Variants in OCIAD2 observed in about 807,000 individuals in gnomAD.
OCIAD2 encodes OCIA domain containing 2.
OCIAD2 carries 29 observed loss-of-function variants against 22.9 expected under a neutral mutation model. The ratio of observed to expected loss-of-function variants is 1.27; its 90% CI spans 0.94 to 1.73. OCIAD2 has a LOEUF of 1.73. OCIAD2 is among the 40% of genes most tolerant of loss of function. The probability of loss-of-function intolerance (pLI) is 0.00; values close to 1 mark genes in which losing one functional copy is unlikely to be tolerated. For synonymous variants in OCIAD2, 67 were observed against 60.2 expected, an observed-to-expected ratio of 1.11 and a Z score of -0.52; for missense variants, 189 against 180.3, an observed-to-expected ratio of 1.05 and a Z score of -0.28.
At chr4:48,899,516 G>A (rs775450543) in intron 3 of OCIAD2, among the ~76,000 whole-genome samples, 1 of 152,198 alleles carries the variant, frequency 6.6e-6, no homozygotes, top group Non-Finnish European at 1.5e-5. Flanking sequence ...GTAGAATGTA[G>A]GAAGGTCCAC....
chr4:48,901,333 C>T (rs1334895014), intron 2 of OCIAD2, among the ~76,000 whole-genome samples: 1 of 152,016 alleles, frequency 6.6e-6, no homozygotes, highest in East Asian at 1.9e-4. Context: ...AAGTAAAGCT[C>T]AGGGTGTGCA....
intron 2 of OCIAD2, among the ~76,000 whole-genome samples, chr4:48,901,631 C>T (rs1010388914): frequency 3.9e-5 from 6 of 152,220 alleles, no homozygotes; most frequent in Admixed American, 2.0e-4. Context: ...CCCTTCTCCT[C>T]TAGTTGTCAG....
intron 6 of OCIAD2, 35 bp from the exon 7 acceptor site, chr4:48,885,600 CTT>C (rs766244224): frequency 3.1e-5 from 34 of 1,096,258 alleles, no homozygotes; most frequent in Non-Finnish European, 4.3e-5. Flanking sequence ...GCGGTTTGTA[CTT>C]TGACACTGGA....
chr4:48,896,475 C>T (rs1232492597), intron 4 of OCIAD2, among the ~76,000 whole-genome samples: 1 of 152,062 alleles, frequency 6.6e-6, no homozygotes, highest in Non-Finnish European at 1.5e-5. Flanking sequence ...TGTCTATAGA[C>T]CCAGCTACTT....
chr4:48,904,358 G>T (rs545927814), intron 2 of OCIAD2, 126 bp downstream of exon 2: 14 of 842,574 alleles, frequency 1.7e-5, no homozygotes, highest in Non-Finnish European at 2.6e-5. Flanking sequence ...GCTCAAGTAG[G>T]AGGATCACTT....
intron 2 of OCIAD2, among the ~76,000 whole-genome samples, chr4:48,900,157 C>CAGGCAGCAGATTT (rs1781385464): frequency 6.6e-6 from 1 of 152,016 alleles, no homozygotes; most frequent in Non-Finnish European, 1.5e-5. Flanking sequence ...CACTGACTGG[C>CAGGCAGCAGATTT]GCAGGCAGCA....
intron 4 of OCIAD2, among the ~76,000 whole-genome samples, chr4:48,894,506 T>C (rs758768517): frequency 6.6e-6 from 1 of 152,040 alleles, no homozygotes; most frequent in Non-Finnish European, 1.5e-5. Context: ...AAAAAAGATC[T>C]TAAAGGAGTT....
chr4:48,889,207 C>T (rs1781088051), intron 6 of OCIAD2, among the ~76,000 whole-genome samples: 1 of 152,074 alleles, frequency 6.6e-6, no homozygotes, highest in South Asian at 2.1e-4. Flanking sequence ...CTTTTTATTG[C>T]ATCTATTTGA....
Position 48,889,775 on chromosome 4 carries a change from T to C in OCIAD2, c.383+2997A>G, listed in dbSNP as rs146360617. Among the ~76,000 whole-genome samples, 549 of 152,340 alleles carry C rather than the reference T, an allele frequency of 3.6e-3. 3 individuals are homozygous for C. Among genetic ancestry groups the C allele is most frequent in the African/African-American group, 0.013 (523 of 41,572 alleles). On this transcript the variant is annotated intron_variant, in intron 6 of 6. Transcript: ENST00000508632. ...TACTGGGTATATACCCAAAGGATTA[T>C]AAAGCCTGCTGCTATAAAGACACAT...
At chr4:48,905,158 T>C (rs971128084) in intron 1 of OCIAD2, among the ~76,000 whole-genome samples, 6 of 151,984 alleles carry the variant, frequency 3.9e-5, no homozygotes, top group Non-Finnish European at 8.8e-5. Context: ...CTGGTGGGAA[T>C]TTAGCATCTT....
At chr4:48,890,172 G>T (rs1231125713) in intron 6 of OCIAD2, among the ~76,000 whole-genome samples, 2 of 151,702 alleles carry the variant, frequency 1.3e-5, no homozygotes, top group Admixed American at 1.3e-4. Flanking sequence ...GAGTTAATGG[G>T]TGCAGCACAC....
chr4:48,901,109 T>C (rs775005682), intron 2 of OCIAD2, among the ~76,000 whole-genome samples: 5 of 152,174 alleles, frequency 3.3e-5, no homozygotes, highest in Non-Finnish European at 5.9e-5. Context: ...TTTGGGTGAA[T>C]GTATCTTTTT....
chr4:48,886,263 C>G (rs1780983747), intron 6 of OCIAD2, among the ~76,000 whole-genome samples: 1 of 152,174 alleles, frequency 6.6e-6, no homozygotes, highest in Non-Finnish European at 1.5e-5. Flanking sequence ...TCTGAGGGCT[C>G]TGTTCTGTTC....
At chr4:48,892,607 CAA>C (rs2109671797) in intron 6 of OCIAD2, among the ~76,000 whole-genome samples, 163 bp downstream of exon 6, 1 of 152,196 alleles carries the variant, frequency 6.6e-6, no homozygotes, top group African/African-American at 2.4e-5. Flanking sequence ...AGTGTAATAA[CAA>C]AGTTATTATT....
Position 48,906,756 on chromosome 4 carries a change from C to G in OCIAD2, c.-161G>C, listed in dbSNP as rs762742934. 1.4e-4 allele frequency: 21 copies of G among 153,542 alleles called. No homozygotes were observed. Among genetic ancestry groups the G allele is most frequent in the Non-Finnish European group, 2.9e-5 (2 of 69,012 alleles). The allele number at this position is 153,542 out of a possible 1,614,324, so 9.5% of individuals were successfully genotyped here. A position where few individuals can be genotyped will look rare whatever the true frequency, so the allele number is the denominator to read the frequency against. On this transcript the variant is annotated 5_prime_UTR_variant, in exon 1 of 7. Transcript: ENST00000508632. ...GCACCGCCGGCCCGCTCCAGCTTCC[C>G]GAGTACCCCACCTGTCTCCCCGGCT...
intron 4 of OCIAD2, among the ~76,000 whole-genome samples, chr4:48,894,836 A>C (rs1177166634): frequency 2.0e-5 from 3 of 152,218 alleles, no homozygotes; most frequent in African/African-American, 4.8e-5. Flanking sequence ...TGGTAGTTAG[A>C]ATAATGGCCT....
Position 48,892,817 on chromosome 4 carries a change from A to G in OCIAD2, c.338T>C (p.Phe113Ser). The stretch of plus-strand genomic sequence containing the variant: ...ACCAGCCCCACGGAGCTGATCTTCA[A>G]AAAAATGGAATTTACTCTGGCATAC... ...IGVCQSKFHF[F>S]EDQLRGAGFG... The change falls in exon 6 of 7, where the codon TTT (phenylalanine) becomes TCT (serine). Residue 113 changes from phenylalanine to serine, a missense_variant. Coordinates refer to ENST00000508632, the MANE Select transcript of OCIAD2 (RefSeq NM_001014446.3). The G allele has an allele frequency of 6.2e-7, 1 of 1,613,276 alleles. No homozygotes were observed. The highest frequency in any genetic ancestry group is 8.5e-7 in the Non-Finnish European group (1 of 1,179,540).
intron 2 of OCIAD2, among the ~76,000 whole-genome samples, chr4:48,901,483 T>TTAAAGAAAGAATTTTC (rs59632977): frequency 0.53 from 80,708 of 151,610 alleles, 21,779 homozygotes; most frequent in South Asian, 0.61. Flanking sequence ...TCCAAGCAAG[T>TTAAAGAAAGAATTTTC]TAAAGAAAGA....
At chr4:48,902,460 A>G (rs2109684089) in intron 2 of OCIAD2, among the ~76,000 whole-genome samples, 1 of 152,332 alleles carries the variant, frequency 6.6e-6, no homozygotes, top group Non-Finnish European at 1.5e-5. Context: ...CAACTCCCCA[A>G]GGCACAGTGC....
Sources: allele counts gnomAD v4.1 joint callset (sites outside exome capture counted in the v4.1 genomes callset), GRCh38; gene constraint gnomAD v4.1.1; transcripts MANE v1.5; gene names NCBI Gene and HGNC (gene_info 2026-07-23, HGNC 2026-07-21).